CREB5: variants seen among roughly 807,000 people sequenced by gnomAD.
The protein encoded by CREB5 is cyclic AMP-responsive element-binding protein 5.
In CREB5, 19 loss-of-function variants were observed where a neutral mutation model predicts 57.1. The observed-to-expected ratio is 0.33, with a 90% CI of 0.23 to 0.49. The LOEUF is 0.49. Among genes scored for constraint, CREB5 ranks in the 20% least tolerant of loss-of-function variants. CREB5 has a pLI of 0.99. For synonymous variants in CREB5, 238 were observed against 238.3 expected (o/e 1.00, Z 0.01); for missense variants, 579 against 671.6 (o/e 0.86, Z 1.52).
At chr7:28,573,420 A>T (rs1795781282) in intron 5 of CREB5, among the ~76,000 whole-genome samples, 1 of 152,216 alleles carries the variant, frequency 6.6e-6, no homozygotes, top group Admixed American at 6.5e-5. Context: ...ACAGCAATGA[A>T]AGTCTTCATT....
At chr7:28,686,464 G>T (rs1341063044) in intron 5 of CREB5, among the ~76,000 whole-genome samples, 1 of 147,138 alleles carries the variant, frequency 6.8e-6, no homozygotes, top group Non-Finnish European at 1.5e-5. Context: ...AACAGAGGCC[G>T]GGTTGGAGGA....
intron 5 of CREB5, among the ~76,000 whole-genome samples, chr7:28,630,762 A>G (rs1356787154): frequency 1.3e-5 from 2 of 152,072 alleles, no homozygotes; most frequent in Non-Finnish European, 2.9e-5. Flanking sequence ...ATTTTCAACC[A>G]TTTTCTACTT....
intron 7 of CREB5, among the ~76,000 whole-genome samples, chr7:28,780,811 GC>G (rs1466015720): frequency 1.3e-5 from 2 of 152,114 alleles, no homozygotes; most frequent in Non-Finnish European, 2.9e-5. Flanking sequence ...ACAAGATGAT[GC>G]TTTTTTATTT....
chr7:28,543,995 G>T lies in CREB5; in HGVS notation c.292-26370G>T, dbSNP rs551152738. ...TAAATGAGATGATTATTTTTGCCTC[G>T]ATAAATGGTGAGTTTTATGAGTATT... On this transcript the variant is annotated intron_variant, in intron 4 of 10. Transcript: ENST00000357727. Among the ~76,000 whole-genome samples, 19 of 150,680 alleles carry T rather than the reference G, an allele frequency of 1.3e-4. 1 individual carries two copies. The highest frequency in any genetic ancestry group is 4.2e-4 in the African/African-American group (17 of 40,916).
At chr7:28,391,643 GC>G in intron 1 of CREB5, among the ~76,000 whole-genome samples, 1 of 152,170 alleles carries the variant, frequency 6.6e-6, no homozygotes, top group Non-Finnish European at 1.5e-5. Context: ...TTTGGTGACA[GC>G]CACCTATATA....
chr7:28,363,356 A>G (rs1786527455), intron 1 of CREB5, among the ~76,000 whole-genome samples: 1 of 152,066 alleles, frequency 6.6e-6, no homozygotes. Context: ...GGATGACCTA[A>G]TTTTGGGATG....
intron 1 of CREB5, among the ~76,000 whole-genome samples, chr7:28,419,894 T>C (rs1562704263): frequency 6.6e-6 from 1 of 152,236 alleles, no homozygotes; most frequent in Non-Finnish European, 1.5e-5. Context: ...ATCGGATGAC[T>C]AACAACCACC....
chr7:28,706,299 T>C (rs181290876), intron 5 of CREB5, among the ~76,000 whole-genome samples: 1 of 152,046 alleles, frequency 6.6e-6, no homozygotes, highest in East Asian at 1.9e-4. Flanking sequence ...GAGGTTGCAG[T>C]GAGCTGAGAT....
chr7:28,426,976 C>G (rs1170733908), intron 1 of CREB5, among the ~76,000 whole-genome samples: 1 of 152,152 alleles, frequency 6.6e-6, no homozygotes, highest in Non-Finnish European at 1.5e-5. Context: ...TCTTAACCAG[C>G]CTGGTGAGTG....
At chr7:28,553,691 T>C (rs11764072) in intron 4 of CREB5, among the ~76,000 whole-genome samples, 12,615 of 152,262 alleles carry the variant, frequency 0.083, 579 homozygotes, top group South Asian at 0.13. Context: ...GCACTTTTAG[T>C]ATGAGGACAA....
rs375548317 is a variant in CREB5, at chr7:28,822,446, C to A, written c.*3167C>A. On this transcript the variant is annotated 3_prime_UTR_variant, in exon 11 of 11. Coordinates refer to ENST00000357727, the MANE Select transcript of CREB5 (RefSeq NM_182898.4). ...ATATCTTTGTACTCCATTCTCCTCC[C>A]TCAGCCAGTTACTGGGTCACCCATC... is the stretch of plus-strand genomic sequence containing the variant. 3.3e-5 allele frequency: 5 copies of A among 152,652 alleles called. No homozygotes were observed. Among genetic ancestry groups the A allele is most frequent in the African/African-American group, 9.7e-5 (4 of 41,436 alleles). 9.5% of individuals were successfully genotyped at this position (152,652 alleles called of 1,614,324 possible).
chr7:28,560,860 GTGTGCC>G lies in CREB5; in HGVS notation c.292-9502_292-9497del, dbSNP rs1415637325. On this transcript the variant is annotated intron_variant, in intron 4 of 10. Transcript: ENST00000357727. ...TGTGTGTGTGCGCGTGTGTGTGTGC[GTGTGCC>G]TGCGTGCGCGTGCGTGCGTGCGTGT... 5.3e-3 allele frequency among the ~76,000 whole-genome samples: 339 copies of G among 64,478 alleles called. 27 individuals are homozygous for G. Among genetic ancestry groups the G allele is most frequent in the East Asian group, 0.022 (34 of 1,538 alleles). The allele number at this position is 64,478 out of a possible 152,430, so 42.3% of individuals were successfully genotyped here.
chr7:28,560,869 C>CGCGTGCGT lies in CREB5; in HGVS notation c.292-9495_292-9494insCGTGCGTG, dbSNP rs1369015394. Among the ~76,000 whole-genome samples, 189 of 28,594 alleles carry CGCGTGCGT rather than the reference C, an allele frequency of 6.6e-3. 18 individuals carry two copies. Among genetic ancestry groups the CGCGTGCGT allele is most frequent in the Middle Eastern group, 0.025 (1 of 40 alleles). 18.8% of individuals were successfully genotyped at this position (28,594 alleles called of 152,430 possible). A position where few individuals can be genotyped will look rare whatever the true frequency, so the allele number is the denominator to read the frequency against. On this transcript the variant is annotated intron_variant, in intron 4 of 10. Coordinates refer to ENST00000357727, the MANE Select transcript of CREB5 (RefSeq NM_182898.4). The stretch of plus-strand genomic sequence containing the variant: ...GCGCGTGTGTGTGTGCGTGTGCCTG[C>CGCGTGCGT]GTGCGCGTGCGTGCGTGCGTGTGTG...
intron 5 of CREB5, among the ~76,000 whole-genome samples, chr7:28,624,067 C>T (rs997575726): frequency 6.6e-6 from 1 of 152,128 alleles, no homozygotes; most frequent in Non-Finnish European, 1.5e-5. Context: ...ACATGCTGCC[C>T]TCTACAGGTA....
intron 1 of CREB5, among the ~76,000 whole-genome samples, chr7:28,344,381 T>C (rs1186495337): frequency 2.6e-5 from 4 of 152,216 alleles, no homozygotes; most frequent in African/African-American, 7.2e-5. Flanking sequence ...ATCCAATTTA[T>C]TCAGCACTAT....
At chr7:28,521,752 C>A (rs1364503963) in intron 4 of CREB5, among the ~76,000 whole-genome samples, 1 of 152,092 alleles carries the variant, frequency 6.6e-6, no homozygotes. Flanking sequence ...GTGTCTCTGA[C>A]CAGATACAGA....
intron 1 of CREB5, among the ~76,000 whole-genome samples, chr7:28,353,807 C>T (rs1339022953): frequency 1.7e-5 from 2 of 121,094 alleles, no homozygotes; most frequent in Admixed American, 8.5e-5. Context: ...CACACCACTG[C>T]ACTCCAGCCT....
intron 5 of CREB5, among the ~76,000 whole-genome samples, chr7:28,652,195 G>T (rs1799155785): frequency 6.6e-6 from 1 of 151,942 alleles, no homozygotes; most frequent in Non-Finnish European, 1.5e-5. Flanking sequence ...ATATCTAATA[G>T]TTTATATTAA....
intron 6 of CREB5, among the ~76,000 whole-genome samples, chr7:28,720,212 G>A (rs774712702): frequency 8.5e-5 from 13 of 152,168 alleles, no homozygotes; most frequent in Admixed American, 2.0e-4. Flanking sequence ...CAGGGCCACC[G>A]GAGTTCTCAG....
Sources: allele counts gnomAD v4.1 joint callset (sites outside exome capture counted in the v4.1 genomes callset), GRCh38; gene constraint gnomAD v4.1.1; transcripts MANE v1.5; gene names NCBI Gene and HGNC (gene_info 2026-07-23, HGNC 2026-07-21).